Variants in SLC2A12 observed in about 807,000 individuals in gnomAD.
The protein encoded by SLC2A12 is solute carrier family 2, facilitated glucose transporter member 12.
A neutral mutation model predicts 41.8 loss-of-function variants in SLC2A12; 23 were observed. That is an observed-to-expected ratio of 0.55 (90% confidence interval 0.40 to 0.78). The LOEUF is 0.78. SLC2A12 is among the 30% of genes least tolerant of loss of function. SLC2A12 has a pLI of 0.00. For missense variants in SLC2A12, 654 were observed against 745.6 expected (o/e 0.88, Z 1.43); for synonymous variants, 295 against 285.9 (o/e 1.03, Z -0.32).
chr6:134,041,766 C>T lies in SLC2A12; in HGVS notation c.103+10612G>A, dbSNP rs9389135. On this transcript the variant is annotated intron_variant, in intron 1 of 4. Transcript: ENST00000275230. ...AAATCCTAACTCATTGACAAATATT[C>T]GGGCTTTCAATGCTGTGGTGATTTT... Among the ~76,000 whole-genome samples the T allele has an allele frequency of 9.0e-4, 137 of 152,232 alleles. 2 individuals are homozygous for T. The highest frequency in any genetic ancestry group is 4.8e-3 in the South Asian group (23 of 4,816).
chr6:134,045,191 G>T (rs1777440729), intron 1 of SLC2A12, among the ~76,000 whole-genome samples: 2 of 152,146 alleles, frequency 1.3e-5, no homozygotes, highest in African/African-American at 4.8e-5. Flanking sequence ...TAATCTTATA[G>T]AAAAATACAA....
At chr6:133,991,360 A>G in intron 4 of SLC2A12, 52 bp from the exon 5 acceptor site, 13 of 1,583,274 alleles carry the variant, frequency 8.2e-6, no homozygotes, top group Non-Finnish European at 1.1e-5. Flanking sequence ...TTACATGAAA[A>G]AAATGTGTAG....
chr6:134,002,903 T>C (rs1776769437), intron 3 of SLC2A12, among the ~76,000 whole-genome samples: 1 of 149,500 alleles, frequency 6.7e-6, no homozygotes, highest in African/African-American at 2.6e-5. Flanking sequence ...CCCTTTGTAG[T>C]CATGGACCAA....
chr6:133,988,724 C>T lies in SLC2A12; in HGVS notation c.*2431G>A, dbSNP rs1776573977. On this transcript the variant is annotated 3_prime_UTR_variant, in exon 5 of 5. Coordinates refer to ENST00000275230, the MANE Select transcript of SLC2A12 (RefSeq NM_145176.3). ...TTGAGATTTTTAGACTTGTATTTTT[C>T]CTTTTTTTTAAAAAAAAAGTGTTTA... The T allele has an allele frequency of 3.3e-5, 5 of 151,256 alleles. No individual in the cohort carries two copies. 9.4% of individuals were successfully genotyped at this position (151,256 alleles called of 1,614,324 possible).
At chr6:134,002,308 G>A in intron 3 of SLC2A12, among the ~76,000 whole-genome samples, 179 bp from the exon 4 acceptor site, 1 of 152,194 alleles carries the variant, frequency 6.6e-6, no homozygotes, top group Non-Finnish European at 1.5e-5. Context: ...TACTTTTACA[G>A]ACTACCTTAG....
At chr6:134,043,089 T>C (rs142963683) in intron 1 of SLC2A12, among the ~76,000 whole-genome samples, 56 of 152,268 alleles carry the variant, frequency 3.7e-4, no homozygotes, top group African/African-American at 1.2e-3. Context: ...TAATATTCAA[T>C]TGCACTACAG....
At chr6:134,040,305 C>T (rs1013472119) in intron 1 of SLC2A12, among the ~76,000 whole-genome samples, 19 of 151,954 alleles carry the variant, frequency 1.3e-4, no homozygotes, top group African/African-American at 3.9e-4. Context: ...TCTCGAACTT[C>T]GGAGCTCAAG....
At chr6:134,016,458 TAGGAG>T (rs1776963990) in intron 2 of SLC2A12, among the ~76,000 whole-genome samples, 1 of 152,144 alleles carries the variant, frequency 6.6e-6, no homozygotes, top group African/African-American at 2.4e-5. Context: ...GTACTGGGGC[TAGGAG>T]AACCTGGGCA....
intron 2 of SLC2A12, among the ~76,000 whole-genome samples, chr6:134,027,896 ATAG>A (rs1398326489): frequency 1.4e-4 from 22 of 152,236 alleles, no homozygotes; most frequent in Admixed American, 1.4e-3. Flanking sequence ...TGTACTCAAA[ATAG>A]TAATAATAAT....
At chr6:134,048,054 G>A (rs1384395640) in intron 1 of SLC2A12, among the ~76,000 whole-genome samples, 1 of 152,250 alleles carries the variant, frequency 6.6e-6, no homozygotes, top group African/African-American at 2.4e-5. Flanking sequence ...AGAGTTTGCA[G>A]AGAAACATCT....
chr6:134,051,554 C>T (rs1437405468), intron 1 of SLC2A12, among the ~76,000 whole-genome samples: 2 of 152,146 alleles, frequency 1.3e-5, no homozygotes, highest in African/African-American at 4.8e-5. Flanking sequence ...TTTCATATTA[C>T]AATTACTTTC....
At chr6:134,046,553 C>A (rs1398665330) in intron 1 of SLC2A12, among the ~76,000 whole-genome samples, 3 of 152,156 alleles carry the variant, frequency 2.0e-5, no homozygotes, top group Non-Finnish European at 4.4e-5. Flanking sequence ...ATAATCCCAG[C>A]ACTTTGGGAG....
intron 1 of SLC2A12, among the ~76,000 whole-genome samples, chr6:134,046,936 T>A (rs545688118): frequency 2.0e-5 from 3 of 152,088 alleles, no homozygotes; most frequent in Admixed American, 6.5e-5. Flanking sequence ...AGAAAAAAAA[T>A]TTGAATTTAT....
At chr6:134,001,792 A>G (rs1332175261) in intron 4 of SLC2A12, among the ~76,000 whole-genome samples, 1 of 152,136 alleles carries the variant, frequency 6.6e-6, no homozygotes, top group Non-Finnish European at 1.5e-5. Context: ...TTGGGAAGAA[A>G]TGGTTATTCT....
At chr6:134,047,615 G>A in intron 1 of SLC2A12, among the ~76,000 whole-genome samples, 1 of 152,178 alleles carries the variant, frequency 6.6e-6, no homozygotes, top group East Asian at 1.9e-4. Flanking sequence ...CCACCCTCTT[G>A]AGAATTCACA....
chr6:134,045,532 C>T (rs1049853904), intron 1 of SLC2A12, among the ~76,000 whole-genome samples: 4 of 152,120 alleles, frequency 2.6e-5, no homozygotes, highest in South Asian at 2.1e-4. Flanking sequence ...TCTCTGTGTC[C>T]TCATTCACAA....
At chr6:134,051,445 A>G (rs1773683349) in intron 1 of SLC2A12, among the ~76,000 whole-genome samples, 1 of 152,226 alleles carries the variant, frequency 6.6e-6, no homozygotes, top group Non-Finnish European at 1.5e-5. Flanking sequence ...TGGATTTTGC[A>G]TGAAATTTCT....
chr6:134,037,764 C>T (rs1166315885), intron 1 of SLC2A12, among the ~76,000 whole-genome samples: 2 of 152,158 alleles, frequency 1.3e-5, no homozygotes, highest in Non-Finnish European at 2.9e-5. Flanking sequence ...ATGTTGGGAG[C>T]AGGAGTGTCT....
At chr6:134,031,468 T>TA (rs1218194016) in intron 1 of SLC2A12, among the ~76,000 whole-genome samples, 1 of 151,856 alleles carries the variant, frequency 6.6e-6, no homozygotes, top group Non-Finnish European at 1.5e-5. Context: ...AGATGGGGGA[T>TA]AAAAAATGGG....
Sources: gnomAD v4.1 joint callset for allele counts (sites outside exome capture counted in the v4.1 genomes callset) on GRCh38, gnomAD v4.1.1 for gene constraint, MANE v1.5 for transcripts, NCBI Gene and HGNC (gene_info 2026-07-23, HGNC 2026-07-21) for gene names.